The following HSD17B6 variants were observed in gnomAD, a reference collection of about 807,000 sequenced individuals.
The protein encoded by HSD17B6 is hydroxysteroid 17-beta dehydrogenase 6, also known as 17-beta-hydroxysteroid dehydrogenase type 6.
Under a neutral mutation model 26.4 loss-of-function variants are expected in HSD17B6, and 16 were observed. The observed-to-expected ratio is 0.61, with a 90% CI of 0.41 to 0.92. The LOEUF (loss-of-function observed/expected upper bound fraction) is 0.92, where lower values mean the gene tolerates loss of function less well. Among genes scored for constraint, HSD17B6 ranks in the 40% least tolerant of loss-of-function variants. The pLI, the probability that HSD17B6 is intolerant of heterozygous loss-of-function variation, is 0.00. For missense variants in HSD17B6, 357 were observed against 386.1 expected (o/e 0.92, Z 0.63); for synonymous variants, 139 against 153.0 (o/e 0.91, Z 0.68).
At chr12:56,777,730 T>A (rs1290889667) in intron 2 of HSD17B6, among the ~76,000 whole-genome samples, 1 of 152,158 alleles carries the variant, frequency 6.6e-6, no homozygotes, top group Non-Finnish European at 1.5e-5. Flanking sequence ...ACTAAAAAAA[T>A]TTTGAAAATC....
chr12:56,784,483 C>A (rs1054162600), intron 3 of HSD17B6, among the ~76,000 whole-genome samples: 2 of 152,062 alleles, frequency 1.3e-5, no homozygotes, highest in African/African-American at 4.8e-5. Flanking sequence ...GAGACCGGCC[C>A]GGCCAACACA....
rs1254819668 is a variant in HSD17B6, at chr12:56,787,177, G to A, written c.789G>A (p.Leu263=). 1.2e-6 allele frequency: 2 copies of A among 1,614,030 alleles called. No homozygotes were observed. Among genetic ancestry groups the A allele is most frequent in the Non-Finnish European group, 1.7e-6 (2 of 1,180,012 alleles). The change falls in exon 5 of 5, where the codon CTG becomes CTA. Residue 263 remains leucine (L), a synonymous_variant. Coordinates refer to ENST00000322165, the MANE Select transcript of HSD17B6 (RefSeq NM_003725.4). The part of the protein sequence containing the change: ...GLLNCSTNLN[L]VTDCMEHALT... ...TGAATTGTAGCACAAACCTGAACCTGGTCACTGACTGCATGGAACATGCTC... is the reference window on the plus strand; with the variant it reads ...TGAATTGTAGCACAAACCTGAACCTAGTCACTGACTGCATGGAACATGCTC...
At chr12:56,783,124 GTCA>G (rs1954763132) in intron 3 of HSD17B6, among the ~76,000 whole-genome samples, 5 of 152,202 alleles carry the variant, frequency 3.3e-5, no homozygotes, top group Admixed American at 1.3e-4. Context: ...AACCGCCATC[GTCA>G]TCATGGCCCG....
At chr12:56,770,474 T>C (rs1480084017) in intron 1 of HSD17B6, 4 of 152,402 alleles carry the variant, frequency 2.6e-5, no homozygotes, top group Non-Finnish European at 4.4e-5. Flanking sequence ...CTGGTTGCAT[T>C]GCTGATCCTC....
In HSD17B6 at chr12:56,773,705, G is replaced by A. The variant is rs117704245; in HGVS notation, c.-19-129G>A. ...CCTCTCTAGACTGTGGCCCCTTGAG[G>A]GTAGGACTAAGTATTAATCAATAAA... On this transcript the variant is annotated intron_variant, in intron 1 of 4. Transcript: ENST00000322165. The A allele has an allele frequency of 1.0e-3, 870 of 865,384 alleles. 6 individuals carry two copies. In the African/African-American group the frequency reaches 0.012, roughly 12 times the overall value. 53.6% of individuals were successfully genotyped at this position (865,384 alleles called of 1,614,324 possible).
intron 2 of HSD17B6, among the ~76,000 whole-genome samples, chr12:56,780,537 G>A (rs1459255287): frequency 6.6e-6 from 1 of 151,948 alleles, no homozygotes; most frequent in East Asian, 1.9e-4. Context: ...TCCTTCCTTT[G>A]TTCTCCTCTG....
chr12:56,783,954 C>T (rs1373238396), intron 3 of HSD17B6, among the ~76,000 whole-genome samples: 5 of 151,070 alleles, frequency 3.3e-5, no homozygotes, highest in Non-Finnish European at 5.9e-5. Context: ...CTCCTCACTT[C>T]TCAGACGGGG....
chr12:56,765,429 C>T (rs757515783), intron 1 of HSD17B6, among the ~76,000 whole-genome samples: 10 of 151,986 alleles, frequency 6.6e-5, no homozygotes, highest in African/African-American at 1.2e-4. Flanking sequence ...AGCAAGATTC[C>T]GTCTCAAAAC....
chr12:56,769,957 G>T (rs1315323940), intron 1 of HSD17B6, among the ~76,000 whole-genome samples: 1 of 152,156 alleles, frequency 6.6e-6, no homozygotes, highest in East Asian at 1.9e-4. Flanking sequence ...TCTAATGGGG[G>T]AAATACGTTT....
chr12:56,773,776 A>G, intron 1 of HSD17B6, 58 bp from the exon 2 acceptor site: 1 of 1,449,414 alleles, frequency 6.9e-7, no homozygotes, highest in Non-Finnish European at 9.3e-7. Flanking sequence ...GCAAATACTG[A>G]ATAGATATAT....
Position 56,774,005 on chromosome 12 carries a change from A to G in HSD17B6, c.153A>G (p.Ala51=). The G allele has an allele frequency of 6.2e-7, 1 of 1,614,098 alleles. No individual in the cohort carries two copies. The change falls in exon 2 of 5, where the codon GCA becomes GCG. Residue 51 remains alanine, a synonymous_variant. Coordinates refer to ENST00000322165, the MANE Select transcript of HSD17B6 (RefSeq NM_003725.4). ...ACCTGCTGGCCAGACAGCTGGATGC[A>G]CGAGGCTTGAGAGTGCTGGCTGCGT... ...FGNLLARQLD[A]RGLRVLAACL...
intron 1 of HSD17B6, among the ~76,000 whole-genome samples, chr12:56,764,768 G>A (rs539271568): frequency 6.6e-6 from 1 of 152,226 alleles, no homozygotes; most frequent in South Asian, 2.1e-4. Context: ...AGTAAATCTC[G>A]AAGCCTGATT....
At chr12:56,780,203 A>T (rs1954682888) in intron 2 of HSD17B6, among the ~76,000 whole-genome samples, 2 of 151,926 alleles carry the variant, frequency 1.3e-5, no homozygotes, top group Admixed American at 6.6e-5. Context: ...TTCTCTGTTT[A>T]TACTGCTTGG....
At chr12:56,779,867 C>T (rs760905775) in intron 2 of HSD17B6, among the ~76,000 whole-genome samples, 3 of 148,710 alleles carry the variant, frequency 2.0e-5, no homozygotes, top group South Asian at 2.1e-4. Context: ...TCTTCGTTAC[C>T]GAATATATGC....
chr12:56,783,792 G>C lies in HSD17B6; in HGVS notation c.573-1061G>C, dbSNP rs556309320. The stretch of plus-strand genomic sequence containing the variant: ...GGGCAGAGGCACCCCTCACCTCCCG[G>C]ACGGGGCGGCTGGCCGGGCGGGGGC... On this transcript the variant is annotated intron_variant, in intron 3 of 4. Coordinates refer to ENST00000322165, the MANE Select transcript of HSD17B6 (RefSeq NM_003725.4). 8.6e-5 allele frequency among the ~76,000 whole-genome samples: 13 copies of C among 150,538 alleles called. No homozygotes were observed. The East Asian group carries it at 2.6e-3, about 30-fold the overall frequency.
chr12:56,763,870 C>T (rs1954259333), intron 1 of HSD17B6, among the ~76,000 whole-genome samples: 1 of 151,572 alleles, frequency 6.6e-6, no homozygotes, highest in Non-Finnish European at 1.5e-5. Flanking sequence ...GAGTTTGGGA[C>T]CAGCCTGGGC....
Position 56,773,879 on chromosome 12 carries a change from G to A in HSD17B6, c.27G>A (p.Val9=). 1 of 1,583,318 alleles carries A rather than the reference G, an allele frequency of 6.3e-7. No individual in the cohort carries two copies. Among genetic ancestry groups the A allele is most frequent in the Non-Finnish European group, 8.6e-7 (1 of 1,160,660 alleles). MWLYLAAF[V]GLYYLLHWYR... is the part of the protein sequence containing the mutation. Reference sequence around the variant, plus strand: ...TGTGGCTCTACCTGGCGGCCTTCGTGGGCCTGTACTACCTTCTGCACTGGT... The same window carrying A: ...TGTGGCTCTACCTGGCGGCCTTCGTAGGCCTGTACTACCTTCTGCACTGGT... Residue 9 remains valine, a synonymous_variant, in exon 2 of 5, where the codon GTG becomes GTA. Transcript: ENST00000322165.
chr12:56,778,306 G>C (rs905469176), intron 2 of HSD17B6, among the ~76,000 whole-genome samples: 1 of 151,920 alleles, frequency 6.6e-6, no homozygotes, highest in Non-Finnish European at 1.5e-5. Context: ...TTCTTTCTTG[G>C]AGATAGAGTC....
chr12:56,773,742 A>C, intron 1 of HSD17B6, 92 bp from the exon 2 acceptor site: 1 of 1,193,874 alleles, frequency 8.4e-7, no homozygotes, highest in Non-Finnish European at 1.1e-6. Context: ...AGTCCCTATC[A>C]CCTAGTGCAA....
Sources: gnomAD v4.1 joint callset for allele counts (sites outside exome capture counted in the v4.1 genomes callset) on GRCh38, gnomAD v4.1.1 for gene constraint, MANE v1.5 for transcripts, NCBI Gene and HGNC (gene_info 2026-07-23, HGNC 2026-07-21) for gene names.